The following ESS2 variants were observed in gnomAD, a reference collection of about 807,000 sequenced individuals.
ESS2 encodes splicing factor ESS-2 homolog.
In ESS2, 31 loss-of-function variants were observed where a neutral mutation model predicts 52.0. That is an observed-to-expected ratio of 0.60 (90% confidence interval 0.45 to 0.81). The LOEUF (loss-of-function observed/expected upper bound fraction) is 0.81, where lower values mean the gene tolerates loss of function less well. Among genes scored for constraint, ESS2 ranks in the 30% least tolerant of loss-of-function variants. The pLI, the probability that ESS2 is intolerant of heterozygous loss-of-function variation, is 0.00. For missense variants in ESS2, 602 were observed against 637.2 expected, an observed-to-expected ratio of 0.94 and a Z score of 0.59; for synonymous variants, 285 against 259.2, an observed-to-expected ratio of 1.10 and a Z score of -0.95.
Position 19,134,203 on chromosome 22 carries a change from A to C in ESS2, c.1424T>G (p.Phe475Cys), listed in dbSNP as rs2083539264. The change falls in exon 10 of 10, where the codon TTC becomes TGC. Residue 475 changes from phenylalanine (F) to cysteine (C), a missense_variant. By Grantham distance (205) the Phe-to-Cys change is radical (BLOSUM62 -2). Coordinates refer to ENST00000252137, the MANE Select transcript of ESS2 (RefSeq NM_022719.3). ...QLPARRKASD[F>C]F is the part of the protein sequence containing the mutation. ...CCCAGCCCAGGCCTGGCTCTAAAAGAAGTCCGAAGCTTTGCGCCGGGCAGG... is the reference window on the plus strand; with the variant it reads ...CCCAGCCCAGGCCTGGCTCTAAAAGCAGTCCGAAGCTTTGCGCCGGGCAGG... 12 of 1,507,992 alleles carry C rather than the reference A, an allele frequency of 8.0e-6. No individual in the cohort carries two copies. The highest frequency in any genetic ancestry group is 1.1e-5 in the Non-Finnish European group (12 of 1,126,748). 93.4% of individuals were successfully genotyped at this position (1,507,992 alleles called of 1,614,324 possible). A position where few individuals can be genotyped will look rare whatever the true frequency, so the allele number is the denominator to read the frequency against.
At chr22:19,136,491 A>G (rs2083584929) in intron 8 of ESS2, among the ~76,000 whole-genome samples, 1 of 152,030 alleles carries the variant, frequency 6.6e-6, no homozygotes, top group Admixed American at 6.5e-5. Flanking sequence ...AGCTCCCTTC[A>G]TTTCTAAATA....
At chr22:19,137,223 C>G in intron 8 of ESS2, 100 bp downstream of exon 8, 1 of 834,756 alleles carries the variant, frequency 1.2e-6, no homozygotes, top group Non-Finnish European at 1.9e-6. Flanking sequence ...CCGTCAGCAG[C>G]TGGGGGCCGA....
intron 7 of ESS2, 184 bp downstream of exon 7, chr22:19,138,031 G>A (rs1379084986): frequency 4.1e-6 from 4 of 985,330 alleles, no homozygotes; most frequent in Admixed American, 6.1e-5. Flanking sequence ...GCCCACCCAC[G>A]GCCCCAAGCA....
Position 19,139,708 on chromosome 22 carries a change from G to A in ESS2, c.592C>T (p.Leu198Phe). The A allele has an allele frequency of 6.2e-7, 1 of 1,614,224 alleles. No homozygotes were observed. Among genetic ancestry groups the A allele is most frequent in the South Asian group, 1.1e-5 (1 of 91,090 alleles). ...ATGGCCTGGTGCTCTGCTGACGGGA[G>A]TTCGAGATTATCTTTCTGCCTCTGC... ...FEKRQKDNLELPSAEHQAIES... is the reference protein window; with the variant it reads ...FEKRQKDNLEFPSAEHQAIES... The change falls in exon 5 of 10, where the codon CTC becomes TTC. Residue 198 changes from leucine to phenylalanine, a missense_variant. By Grantham distance (22) the Leu-to-Phe change is conservative. Coordinates refer to ENST00000252137, the MANE Select transcript of ESS2 (RefSeq NM_022719.3).
chr22:19,137,279 T>A, intron 8 of ESS2, 44 bp downstream of exon 8: 1 of 1,433,258 alleles, frequency 7.0e-7, no homozygotes, highest in Non-Finnish European at 9.7e-7. Flanking sequence ...GCTCCAGAGG[T>A]GTCCACCCCG....
intron 9 of ESS2, 54 bp from the exon 10 acceptor site, chr22:19,134,529 G>A (rs572864267): frequency 3.9e-5 from 57 of 1,466,450 alleles, no homozygotes; most frequent in South Asian, 3.1e-4. Flanking sequence ...GAGAGCTGCC[G>A]GCAGCAGGGC....
intron 1 of ESS2, chr22:19,144,016 A>G: frequency 2.0e-6 from 2 of 988,000 alleles, no homozygotes; most frequent in Non-Finnish European, 2.4e-6. Context: ...TACATATCCC[A>G]AAAGGTGTCC....
At chr22:19,144,390 C>T (rs746084268) in intron 1 of ESS2, 116 bp downstream of exon 1, 282 of 1,558,636 alleles carry the variant, frequency 1.8e-4, no homozygotes, top group Non-Finnish European at 2.3e-4. Context: ...CGTCCACACC[C>T]GGCTCCTCCA....
Position 19,134,448 on chromosome 22 carries a change from G to T in ESS2, c.1179C>A (p.Ala393=). The change falls in exon 10 of 10, where the codon GCC becomes GCA. Residue 393 remains alanine, a synonymous_variant. Transcript: ENST00000252137. ...ASLTPKGLSP[A]MSPALQRLVS... is the part of the protein sequence containing the mutation. ...CAAGGCGCTGTAGGGCTGGCGACAT[G>T]GCTGGGCTCAGGCCTTTGGGGGTGA... 6.3e-7 allele frequency: 1 copy of T among 1,583,948 alleles called. No homozygotes were observed. The highest frequency in any genetic ancestry group is 8.6e-7 in the Non-Finnish European group (1 of 1,162,424).
intron 4 of ESS2, 32 bp from the exon 5 acceptor site, chr22:19,139,761 AG>A: frequency 6.2e-7 from 1 of 1,614,006 alleles, no homozygotes; most frequent in South Asian, 1.1e-5. Flanking sequence ...TGATGGTCAG[AG>A]ATGCCCCTGG....
rs1013056839 is a variant in ESS2 at position 19,132,608 on chromosome 22, C to G, written c.*1588G>C. The G allele has an allele frequency of 5.3e-5, 48 of 900,890 alleles. 1 individual carries two copies. The South Asian group carries it at 7.7e-4, about 14-fold the overall frequency. The allele number at this position is 900,890 out of a possible 1,614,324, so 55.8% of individuals were successfully genotyped here. A position where few individuals can be genotyped will look rare whatever the true frequency, so the allele number is the denominator to read the frequency against. ...GTGCAAGTAAAATTCGTCAATTAAACCACTATTTTGATTACGTTCCATTAG... is the reference window on the plus strand; with the variant it reads ...GTGCAAGTAAAATTCGTCAATTAAAGCACTATTTTGATTACGTTCCATTAG... On this transcript the variant is annotated 3_prime_UTR_variant, in exon 10 of 10. Transcript: ENST00000252137. The surrounding 1 kb of genome is among the most constrained non-coding windows in gnomAD (Gnocchi z 4.2).
chr22:19,132,213 C>T lies in ESS2; in HGVS notation c.*1983G>A, dbSNP rs753168306. ...CGATGAGATCCTCAGCCACTCGTGG[C>T]TGCAGCCCCCCAAGCCCAAAGCCAC... On this transcript the variant is annotated 3_prime_UTR_variant, in exon 10 of 10. Coordinates refer to ENST00000252137, the MANE Select transcript of ESS2 (RefSeq NM_022719.3). This position sits in a 1 kb window ranked among gnomAD's most constrained non-coding sequence, Gnocchi z 4.2. The T allele has an allele frequency of 1.9e-6, 3 of 1,612,470 alleles. No homozygotes were observed. In the South Asian group the frequency reaches 3.3e-5, roughly 18 times the overall value.
chr22:19,138,436 G>T, intron 6 of ESS2, 119 bp from the exon 7 acceptor site: 1 of 996,384 alleles, frequency 1.0e-6, no homozygotes, highest in Non-Finnish European at 1.6e-6. Context: ...CAAGGCTGGG[G>T]CTCTGGGGTT....
chr22:19,130,653 G>C lies in ESS2; in HGVS notation c.*3543C>G, dbSNP rs1328494808. 3.3e-6 allele frequency: 1 copy of C among 304,372 alleles called. No homozygotes were observed. The highest frequency in any genetic ancestry group is 6.3e-6 in the Non-Finnish European group (1 of 157,606). 18.9% of individuals were successfully genotyped at this position (304,372 alleles called of 1,614,324 possible). ...CCTTAACTTGTCTTCAGATTTTGTCGACCCGAGATGGGTCCTGGCACTAGG... is the reference window on the plus strand; with the variant it reads ...CCTTAACTTGTCTTCAGATTTTGTCCACCCGAGATGGGTCCTGGCACTAGG... On this transcript the variant is annotated 3_prime_UTR_variant, in exon 10 of 10. Coordinates refer to ENST00000252137, the MANE Select transcript of ESS2 (RefSeq NM_022719.3).
chr22:19,131,418 C>T lies in ESS2; in HGVS notation c.*2778G>A. 6.2e-7 allele frequency: 1 copy of T among 1,609,494 alleles called. No individual in the cohort carries two copies. ...TGGCACCATGGACGATGCCACAGTC[C>T]TAAGGAAGAAGGGTTACATCGTAGG... On this transcript the variant is annotated 3_prime_UTR_variant, in exon 10 of 10. Coordinates refer to ENST00000252137, the MANE Select transcript of ESS2 (RefSeq NM_022719.3). The surrounding 1 kb of genome is among the most constrained non-coding windows in gnomAD (Gnocchi z 5.7).
intron 1 of ESS2, 48 bp from the exon 2 acceptor site, chr22:19,142,942 C>T (rs1181469776): frequency 6.4e-7 from 1 of 1,568,910 alleles, no homozygotes; most frequent in East Asian, 2.2e-5. Flanking sequence ...CGCGGTGGCT[C>T]ACACCTGTAA....
chr22:19,137,927 T>C (rs1279386275), intron 7 of ESS2: 1 of 985,236 alleles, frequency 1.0e-6, no homozygotes, highest in African/African-American at 1.7e-5. Flanking sequence ...TCATAAGCAC[T>C]GTGCACACAC....
intron 1 of ESS2, among the ~76,000 whole-genome samples, chr22:19,143,539 CAT>C (rs772240266): frequency 4.6e-5 from 7 of 152,236 alleles, no homozygotes; most frequent in Non-Finnish European, 1.0e-4. Context: ...TCATTCCACA[CAT>C]GACTTTCTAT....
In ESS2 at chr22:19,133,930, C is replaced by A. The variant is rs1255016032; in HGVS notation, c.*266G>T. 7 of 367,480 alleles carry A rather than the reference C, an allele frequency of 1.9e-5. No individual in the cohort carries two copies. In the East Asian group the frequency reaches 2.5e-4, roughly 13 times the overall value. The allele number at this position is 367,480 out of a possible 1,614,324, so 22.8% of individuals were successfully genotyped here. A position where few individuals can be genotyped will look rare whatever the true frequency, so the allele number is the denominator to read the frequency against. On this transcript the variant is annotated 3_prime_UTR_variant, in exon 10 of 10. Transcript: ENST00000252137. ...TGGGGAGCAAGATGGAGAGGCAACC[C>A]CCCAGACTGTACCTAGGTGTTCTTT...
Sources: allele counts gnomAD v4.1 joint callset (sites outside exome capture counted in the v4.1 genomes callset), GRCh38; gene constraint gnomAD v4.1.1; non-coding constraint Gnocchi (gnomAD v3.1); transcripts MANE v1.5; gene names NCBI Gene and HGNC (gene_info 2026-07-23, HGNC 2026-07-21).